Variants in UNC5D observed in about 807,000 individuals in gnomAD.
UNC5D encodes netrin receptor UNC5D.
UNC5D carries 39 observed loss-of-function variants against 105.4 expected under a neutral mutation model. The observed-to-expected ratio is 0.37, with a 90% CI of 0.29 to 0.48. The LOEUF (loss-of-function observed/expected upper bound fraction) is 0.48. Among genes scored for constraint, UNC5D ranks in the 20% least tolerant of loss-of-function variants. The pLI is 0.98. For synonymous variants in UNC5D, 452 were observed against 450.4 expected (o/e 1.00, Z -0.04); for missense variants, 991 against 1,202.4 (o/e 0.82, Z 2.60).
intron 1 of UNC5D, among the ~76,000 whole-genome samples, chr8:35,309,729 C>T (rs570887134): frequency 2.8e-4 from 42 of 152,182 alleles, no homozygotes; most frequent in Middle Eastern, 3.4e-3. Flanking sequence ...TCTTCTCAAG[C>T]TTTAAAAGAT....
At chr8:35,248,913 TAA>T (rs1198356712) in intron 1 of UNC5D, among the ~76,000 whole-genome samples, 3 of 93,520 alleles carry the variant, frequency 3.2e-5, no homozygotes, top group African/African-American at 9.0e-5. Flanking sequence ...ATATTATATA[TAA>T]ACATATATAA....
At chr8:35,703,195 TTTTA>T (rs1327498839) in intron 7 of UNC5D, among the ~76,000 whole-genome samples, 1 of 152,086 alleles carries the variant, frequency 6.6e-6, no homozygotes, top group African/African-American at 2.4e-5. Context: ...ATTTTTTTTT[TTTTA>T]CTCTGACAAT....
At chr8:35,661,531 C>T (rs1824104210) in intron 4 of UNC5D, among the ~76,000 whole-genome samples, 2 of 152,168 alleles carry the variant, frequency 1.3e-5, no homozygotes, top group African/African-American at 2.4e-5. Context: ...ATTCGCTTTT[C>T]TTCCTGGCCT....
chr8:35,692,017 T>C (rs984807525), intron 7 of UNC5D, among the ~76,000 whole-genome samples: 3 of 152,012 alleles, frequency 2.0e-5, no homozygotes, highest in Non-Finnish European at 4.4e-5. Flanking sequence ...AAAGAGGAAG[T>C]CTCCAAGGCT....
chr8:35,354,105 T>G (rs1256479129), intron 1 of UNC5D, among the ~76,000 whole-genome samples: 1 of 152,174 alleles, frequency 6.6e-6, no homozygotes, highest in Non-Finnish European at 1.5e-5. Flanking sequence ...TTTAGTAATT[T>G]CATGCAAGGG....
At chr8:35,261,571 A>T (rs1023652591) in intron 1 of UNC5D, among the ~76,000 whole-genome samples, 5 of 145,846 alleles carry the variant, frequency 3.4e-5, no homozygotes, top group Admixed American at 1.4e-4. Flanking sequence ...CTCAGTGCTC[A>T]TCTTTTGTGC....
At chr8:35,549,653 C>A (rs1418762249) in intron 2 of UNC5D, 143 bp downstream of exon 2, 2 of 777,046 alleles carry the variant, frequency 2.6e-6, no homozygotes, top group African/African-American at 3.5e-5. Context: ...ATATAAGATG[C>A]AATCCTTTTC....
rs189702578 is a variant in UNC5D, at chr8:35,251,197, A to G, written c.103+15310A>G. On this transcript the variant is annotated intron_variant, in intron 1 of 16. Coordinates refer to ENST00000404895, the MANE Select transcript of UNC5D (RefSeq NM_080872.4). The stretch of plus-strand genomic sequence containing the variant: ...CCTGGGACTGGGAAATTTATAAAGG[A>G]AAGATATTTAATTGACTCACAGTTC... 5.3e-3 allele frequency among the ~76,000 whole-genome samples: 804 copies of G among 152,262 alleles called. 7 individuals are homozygous for G. The highest frequency in any genetic ancestry group is 7.4e-3 in the Non-Finnish European group (503 of 68,018).
intron 1 of UNC5D, among the ~76,000 whole-genome samples, chr8:35,441,200 C>T (rs570673741): frequency 2.6e-5 from 4 of 152,054 alleles, no homozygotes; most frequent in African/African-American, 9.6e-5. Context: ...AAACTCAGAA[C>T]ATACTCCTCA....
intron 1 of UNC5D, among the ~76,000 whole-genome samples, chr8:35,471,505 A>T (rs1809723459): frequency 6.6e-6 from 1 of 152,268 alleles, no homozygotes; most frequent in South Asian, 2.1e-4. Flanking sequence ...TAAATGAAAG[A>T]TTTTTTTCTG....
chr8:35,607,764 G>A (rs1239346113), intron 4 of UNC5D, among the ~76,000 whole-genome samples: 2 of 152,018 alleles, frequency 1.3e-5, no homozygotes, highest in African/African-American at 2.4e-5. Flanking sequence ...TTGTGAAGAG[G>A]TACCTTGCTT....
intron 1 of UNC5D, among the ~76,000 whole-genome samples, chr8:35,336,488 C>T (rs150794621): frequency 1.4e-3 from 216 of 152,170 alleles, no homozygotes; most frequent in African/African-American, 4.9e-3. Context: ...TTTAAAAGTG[C>T]GTTTGTGCTT....
intron 4 of UNC5D, among the ~76,000 whole-genome samples, chr8:35,599,163 A>G (rs1022310011): frequency 1.3e-5 from 2 of 150,916 alleles, no homozygotes; most frequent in African/African-American, 2.4e-5. Context: ...AAAAAAAAAA[A>G]AAAAAAGCTG....
intron 1 of UNC5D, among the ~76,000 whole-genome samples, chr8:35,312,918 A>G (rs1203179528): frequency 2.0e-5 from 3 of 152,224 alleles, no homozygotes; most frequent in African/African-American, 7.2e-5. Flanking sequence ...AACTTCCTCC[A>G]CTACCAGCGG....
chr8:35,460,556 A>G (rs939339045), intron 1 of UNC5D, among the ~76,000 whole-genome samples: 3 of 152,230 alleles, frequency 2.0e-5, no homozygotes, highest in Non-Finnish European at 4.4e-5. Flanking sequence ...TGCAATAGCT[A>G]CAGTGCTAAA....
intron 1 of UNC5D, among the ~76,000 whole-genome samples, chr8:35,428,897 G>A (rs569040048): frequency 1.3e-5 from 2 of 152,046 alleles, no homozygotes; most frequent in East Asian, 2.0e-4. Context: ...TAAACAAGCA[G>A]AAGAAAATCA....
At chr8:35,283,138 AAATT>A (rs1333228763) in intron 1 of UNC5D, among the ~76,000 whole-genome samples, 10 of 152,194 alleles carry the variant, frequency 6.6e-5, no homozygotes, top group African/African-American at 2.2e-4. Flanking sequence ...GAGAAAAAGA[AAATT>A]AAAGCAAAAC....
intron 4 of UNC5D, among the ~76,000 whole-genome samples, chr8:35,677,399 C>T (rs1180404521): frequency 6.6e-6 from 1 of 152,100 alleles, no homozygotes; most frequent in Admixed American, 6.5e-5. Flanking sequence ...TACCCAGCAC[C>T]ACTTCACTGA....
At chr8:35,471,075 G>T (rs537454597) in intron 1 of UNC5D, among the ~76,000 whole-genome samples, 2 of 152,050 alleles carry the variant, frequency 1.3e-5, no homozygotes, top group African/African-American at 4.8e-5. Flanking sequence ...CTAGTACCCC[G>T]GGGCCAGTTC....
Sources: allele counts gnomAD v4.1 joint callset (sites outside exome capture counted in the v4.1 genomes callset), GRCh38; gene constraint gnomAD v4.1.1; transcripts MANE v1.5; gene names NCBI Gene and HGNC (gene_info 2026-07-23, HGNC 2026-07-21).